NEDD4L: variants seen among roughly 807,000 people sequenced by gnomAD.
The protein encoded by NEDD4L is NEDD4 like E3 ubiquitin protein ligase, also known as E3 ubiquitin-protein ligase NEDD4-like.
NEDD4L carries 54 observed loss-of-function variants against 148.9 expected under a neutral mutation model. That is an observed-to-expected ratio of 0.36 (90% CI 0.29 to 0.45). The LOEUF (loss-of-function observed/expected upper bound fraction) is 0.45. Ranked by LOEUF, NEDD4L falls within the 20% of genes least tolerant of loss-of-function variation. NEDD4L has a pLI of 1.00. For missense variants in NEDD4L, 856 were observed against 1,233.8 expected, an observed-to-expected ratio of 0.69 and a Z score of 4.59; for synonymous variants, 433 against 440.7, an observed-to-expected ratio of 0.98 and a Z score of 0.22.
At chr18:58,305,459 G>A (rs1393397084) in intron 5 of NEDD4L, among the ~76,000 whole-genome samples, 1 of 152,194 alleles carries the variant, frequency 6.6e-6, no homozygotes, top group African/African-American at 2.4e-5. Context: ...CAGTGTCTAA[G>A]CAGCCTGGGC....
At chr18:58,276,974 T>C (rs915780780) in intron 5 of NEDD4L, among the ~76,000 whole-genome samples, 10 of 152,080 alleles carry the variant, frequency 6.6e-5, no homozygotes, top group African/African-American at 2.4e-4. Flanking sequence ...TGGAGAGACT[T>C]TGTTTTTCCC....
chr18:58,112,598 C>G (rs2085490158), intron 1 of NEDD4L, among the ~76,000 whole-genome samples: 1 of 152,218 alleles, frequency 6.6e-6, no homozygotes, highest in Admixed American at 6.5e-5. Flanking sequence ...AAGTGATTCT[C>G]TTGCCTCTGC....
At chr18:58,126,751 A>G (rs1320361735) in intron 1 of NEDD4L, among the ~76,000 whole-genome samples, 1 of 152,194 alleles carries the variant, frequency 6.6e-6, no homozygotes, top group Non-Finnish European at 1.5e-5. Context: ...CAGTCTCTCC[A>G]TATCCTCCCC....
intron 1 of NEDD4L, among the ~76,000 whole-genome samples, chr18:58,123,256 G>A (rs1043367962): frequency 6.6e-6 from 1 of 152,162 alleles, no homozygotes; most frequent in African/African-American, 2.4e-5. Context: ...TTCTGGTCCA[G>A]CTGCCTTTCT....
chr18:58,329,765 C>T (rs1393563994), intron 10 of NEDD4L, among the ~76,000 whole-genome samples: 2 of 151,282 alleles, frequency 1.3e-5, no homozygotes, highest in Non-Finnish European at 1.5e-5. Flanking sequence ...TCCCAAAGTG[C>T]TTAGATTACA....
At chr18:58,170,334 C>T (rs901152698) in intron 2 of NEDD4L, among the ~76,000 whole-genome samples, 10 of 148,684 alleles carry the variant, frequency 6.7e-5, no homozygotes, top group Non-Finnish European at 1.3e-4. Context: ...CACTGCTGCC[C>T]GCCTCATCAC....
chr18:58,281,336 T>A (rs2053054056), intron 5 of NEDD4L, among the ~76,000 whole-genome samples: 1 of 151,028 alleles, frequency 6.6e-6, no homozygotes, highest in Non-Finnish European at 1.5e-5. Context: ...CTGGAAAGGA[T>A]AGCTGTGATG....
intron 1 of NEDD4L, among the ~76,000 whole-genome samples, chr18:58,158,193 G>A (rs964090002): frequency 3.9e-5 from 6 of 152,302 alleles, no homozygotes; most frequent in Admixed American, 1.3e-4. Flanking sequence ...GTTCCTTATC[G>A]CAGAGATTGC....
intron 2 of NEDD4L, among the ~76,000 whole-genome samples, chr18:58,214,617 GTGT>G (rs2042946891): frequency 1.4e-5 from 1 of 73,036 alleles, no homozygotes; most frequent in African/African-American, 3.9e-5. Flanking sequence ...TTGTGTGTGT[GTGT>G]GTGTGTGTGT....
At chr18:58,064,859 C>T (rs1281816779) in intron 1 of NEDD4L, among the ~76,000 whole-genome samples, 2 of 152,176 alleles carry the variant, frequency 1.3e-5, no homozygotes, top group East Asian at 3.8e-4. Context: ...CTCATCTCAG[C>T]ACTTTGGGAG....
chr18:58,312,846 A>G (rs1472297139), intron 5 of NEDD4L, among the ~76,000 whole-genome samples: 1 of 152,140 alleles, frequency 6.6e-6, no homozygotes, highest in East Asian at 1.9e-4. Flanking sequence ...AAGCCCAGCT[A>G]ATTTTGTGTT....
intron 18 of NEDD4L, among the ~76,000 whole-genome samples, chr18:58,352,879 C>T (rs992863076): frequency 2.0e-5 from 3 of 152,120 alleles, no homozygotes; most frequent in Non-Finnish European, 4.4e-5. Context: ...GAATGTGTTT[C>T]GTATACCGCA....
intron 30 of NEDD4L, among the ~76,000 whole-genome samples, chr18:58,395,397 C>T (rs1353456411): frequency 1.3e-5 from 2 of 152,188 alleles, no homozygotes; most frequent in Non-Finnish European, 2.9e-5. Context: ...ATCCACTTGG[C>T]ACTCATATGT....
chr18:58,193,011 C>T (rs113551067), intron 2 of NEDD4L, among the ~76,000 whole-genome samples: 1 of 152,172 alleles, frequency 6.6e-6, no homozygotes, highest in African/African-American at 2.4e-5. Flanking sequence ...TTGGGGCATG[C>T]ACCTGTGGCA....
At chr18:58,120,311 G>A (rs940560712) in intron 1 of NEDD4L, among the ~76,000 whole-genome samples, 2 of 152,186 alleles carry the variant, frequency 1.3e-5, no homozygotes, top group East Asian at 1.9e-4. Flanking sequence ...GCAGTCCTAA[G>A]TTTGAGTCCT....
At chr18:58,165,272 T>A (rs930523948) in intron 1 of NEDD4L, among the ~76,000 whole-genome samples, 3 of 152,264 alleles carry the variant, frequency 2.0e-5, no homozygotes, top group Non-Finnish European at 4.4e-5. Context: ...AGAATGGTTT[T>A]TATTTCTTTT....
At chr18:58,180,145 G>A (rs771401718) in intron 2 of NEDD4L, among the ~76,000 whole-genome samples, 4 of 152,206 alleles carry the variant, frequency 2.6e-5, no homozygotes, top group African/African-American at 4.8e-5. Context: ...GGGTGAACGG[G>A]GGCACAGAGG....
chr18:58,379,347 T>C (rs1479731018), intron 24 of NEDD4L, among the ~76,000 whole-genome samples: 1 of 152,232 alleles, frequency 6.6e-6, no homozygotes, highest in Non-Finnish European at 1.5e-5. Context: ...GAGCAGCCCC[T>C]GTGTGACGCT....
intron 6 of NEDD4L, among the ~76,000 whole-genome samples, chr18:58,319,219 G>A (rs1194726890): frequency 6.6e-6 from 1 of 152,168 alleles, no homozygotes; most frequent in Non-Finnish European, 1.5e-5. Flanking sequence ...AGAGGGAGGG[G>A]ACTTGCCCAG....
Sources: allele counts gnomAD v4.1 joint callset (sites outside exome capture counted in the v4.1 genomes callset), GRCh38; gene constraint gnomAD v4.1.1; transcripts MANE v1.5; gene names NCBI Gene and HGNC (gene_info 2026-07-23, HGNC 2026-07-21).